Variants in PTPRU observed in about 807,000 individuals in gnomAD.
PTPRU encodes receptor-type tyrosine-protein phosphatase U.
PTPRU carries 69 observed loss-of-function variants against 166.3 expected under a neutral mutation model. The ratio of observed to expected loss-of-function variants is 0.41; its 90% CI spans 0.34 to 0.51. The LOEUF (loss-of-function observed/expected upper bound fraction) is 0.51, where lower values mean the gene tolerates loss of function less well. PTPRU is among the 20% of genes least tolerant of loss of function. The pLI is 0.09. For missense variants in PTPRU, 1,657 were observed against 2,013.7 expected (o/e 0.82, Z 3.39); for synonymous variants, 793 against 814.0 (o/e 0.97, Z 0.44).
chr1:29,275,022 C>T (rs1685729846), intron 7 of PTPRU, among the ~76,000 whole-genome samples: 1 of 149,990 alleles, frequency 6.7e-6, no homozygotes, highest in Non-Finnish European at 1.5e-5. Flanking sequence ...TGCACTCCCT[C>T]CTGGGTGACA....
rs1309967405 is a variant in PTPRU, at chr1:29,255,256, C to T, written c.74-19C>T. On this transcript the variant is annotated intron_variant, in intron 1 of 29. Transcript: ENST00000373779. ...GCAGCCCTGCCTTAGCCTGGGCTAA[C>T]CAGGCCCTGCTCTCACAGCTGGCTG... The T allele has an allele frequency of 6.2e-7, 1 of 1,611,104 alleles. No homozygotes were observed. Among genetic ancestry groups the T allele is most frequent in the Non-Finnish European group, 8.5e-7 (1 of 1,178,068 alleles).
rs912164422 is a variant in PTPRU, at chr1:29,291,399, A to C, written c.2319-470A>C. On this transcript the variant is annotated intron_variant, in intron 14 of 29. Transcript: ENST00000373779. The surrounding 1 kb of genome is among the most constrained non-coding windows in gnomAD (Gnocchi z 4.1). ...TGTAGTCCCTCCTTCCTGCAGGAGA[A>C]GGAGGAGTCTGGAGAGTGGTCCCTG... Among the ~76,000 whole-genome samples the C allele has an allele frequency of 3.3e-5, 5 of 151,402 alleles. No homozygotes were observed. The highest frequency in any genetic ancestry group is 7.4e-5 in the Non-Finnish European group (5 of 67,930).
chr1:29,278,835 T>C (rs1031805063), intron 8 of PTPRU, among the ~76,000 whole-genome samples, 177 bp from the exon 9 acceptor site: 12 of 152,256 alleles, frequency 7.9e-5, no homozygotes, highest in African/African-American at 2.9e-4. Flanking sequence ...TCACATCATT[T>C]GAGTCCTGGC....
chr1:29,284,669 C>CA (rs1686258301), intron 13 of PTPRU, 62 bp from the exon 14 acceptor site: 7 of 1,611,660 alleles, frequency 4.3e-6, no homozygotes, highest in Non-Finnish European at 5.9e-6. Context: ...CAGCCACCTA[C>CA]AGGAGGGGCT....
chr1:29,305,549 C>A, intron 18 of PTPRU, 121 bp downstream of exon 18: 1 of 1,005,558 alleles, frequency 9.9e-7, no homozygotes, highest in Non-Finnish European at 1.6e-6. Context: ...TCGGAGTGCC[C>A]CTATCTCTGC....
chr1:29,245,651 C>T (rs1200061216), intron 1 of PTPRU, among the ~76,000 whole-genome samples: 1 of 152,130 alleles, frequency 6.6e-6, no homozygotes, highest in Admixed American at 6.5e-5. Context: ...CCCATTGGAC[C>T]GTGCCTCCAT....
chr1:29,317,682 T>C lies in PTPRU; in HGVS notation c.3514-66T>C. On this transcript the variant is annotated intron_variant, in intron 24 of 29. Coordinates refer to ENST00000373779, the MANE Select transcript of PTPRU (RefSeq NM_133178.4). This position sits in a 1 kb window ranked among gnomAD's most constrained non-coding sequence, Gnocchi z 5.6. ...TAGTAACTCAGTCCAGCCTCCTTCA[T>C]GGGGATGTGAGGAGGCCCAGCAAGC... The C allele has an allele frequency of 6.8e-7, 1 of 1,471,004 alleles. No homozygotes were observed. Among genetic ancestry groups the C allele is most frequent in the Non-Finnish European group, 9.2e-7 (1 of 1,087,730 alleles). The allele number at this position is 1,471,004 out of a possible 1,614,324, so 91.1% of individuals were successfully genotyped here. A position where few individuals can be genotyped will look rare whatever the true frequency, so the allele number is the denominator to read the frequency against.
At chr1:29,297,269 G>T (rs1686932843) in intron 15 of PTPRU, among the ~76,000 whole-genome samples, 1 of 151,744 alleles carries the variant, frequency 6.6e-6, no homozygotes, top group Non-Finnish European at 1.5e-5. Context: ...TGGCCAGGCT[G>T]GTCTCGAACT....
chr1:29,246,050 G>A (rs1045291412), intron 1 of PTPRU, among the ~76,000 whole-genome samples: 2 of 152,228 alleles, frequency 1.3e-5, no homozygotes, highest in East Asian at 1.9e-4. Context: ...TTGCATGGAC[G>A]TCAGTATTGC....
rs1685941289 is a variant in PTPRU at position 29,279,055 on chromosome 1, G to A, written c.1497G>A (p.Leu499=). The change falls in exon 9 of 30, where the codon CTG becomes CTA. Residue 499 remains leucine (L), a synonymous_variant. Coordinates refer to ENST00000373779, the MANE Select transcript of PTPRU (RefSeq NM_133178.4). This position sits in a 1 kb window ranked among gnomAD's most constrained non-coding sequence, Gnocchi z 5.2. ...CCGAGTCCCTGACCTTCACTCCACT[G>A]GAGGACATGATCTTCCTCAAGTGGG... ...IAAESLTFTP[L]EDMIFLKWEE... 1 of 1,594,110 alleles carries A rather than the reference G, an allele frequency of 6.3e-7. No individual in the cohort carries two copies. The highest frequency in any genetic ancestry group is 8.5e-7 in the Non-Finnish European group (1 of 1,169,818).
In PTPRU at chr1:29,279,936, C is replaced by A; in HGVS notation, c.1766-103C>A. ...GTCAGCAGGAACAAAGAGGCTAAGG[C>A]TGAAGTAGGGGAGATCTGAGGACTG... On this transcript the variant is annotated intron_variant, in intron 10 of 29. Coordinates refer to ENST00000373779, the MANE Select transcript of PTPRU (RefSeq NM_133178.4). The surrounding 1 kb of genome is among the most constrained non-coding windows in gnomAD (Gnocchi z 5.2). The A allele has an allele frequency of 8.0e-7, 1 of 1,242,968 alleles. No homozygotes were observed. The highest frequency in any genetic ancestry group is 1.1e-6 in the Non-Finnish European group (1 of 876,956). The allele number at this position is 1,242,968 out of a possible 1,614,324, so 77.0% of individuals were successfully genotyped here.
intron 1 of PTPRU, among the ~76,000 whole-genome samples, chr1:29,241,748 C>T (rs1399882358): frequency 6.6e-6 from 1 of 151,518 alleles, no homozygotes; most frequent in Admixed American, 6.6e-5. Context: ...GCGCACGCCA[C>T]CATGCCTGGC....
At chr1:29,323,597 C>T in intron 27 of PTPRU, 34 bp from the exon 28 acceptor site, 6 of 1,613,002 alleles carry the variant, frequency 3.7e-6, no homozygotes, top group South Asian at 2.2e-5. Context: ...CCCTGGTGCT[C>T]ATGTCCTCCC....
At position 29,311,392 on chromosome 1, in the gene PTPRU, G is replaced by A. The variant is rs1687648498; in HGVS notation, c.2858-64G>A. 2.6e-6 allele frequency: 4 copies of A among 1,518,874 alleles called. No homozygotes were observed. The highest frequency in any genetic ancestry group is 1.7e-5 in the Admixed American group (1 of 59,322). The allele number at this position is 1,518,874 out of a possible 1,614,324, so 94.1% of individuals were successfully genotyped here. ...CTGGGGTGTGGTGCTGGATGGTGCTGGATGTGCTGACCTGGGGTGGAGACC... is the reference window on the plus strand; with the variant it reads ...CTGGGGTGTGGTGCTGGATGGTGCTAGATGTGCTGACCTGGGGTGGAGACC... On this transcript the variant is annotated intron_variant, in intron 19 of 29. Coordinates refer to ENST00000373779, the MANE Select transcript of PTPRU (RefSeq NM_133178.4). This position sits in a 1 kb window ranked among gnomAD's most constrained non-coding sequence, Gnocchi z 4.1.
Position 29,315,296 on chromosome 1 carries a change from C to G in PTPRU, c.3228-76C>G. On this transcript the variant is annotated intron_variant, in intron 22 of 29. Transcript: ENST00000373779. This position sits in a 1 kb window ranked among gnomAD's most constrained non-coding sequence, Gnocchi z 4.5. The stretch of plus-strand genomic sequence containing the variant: ...TGTATGGTGTAGACATGGCCAGTGC[C>G]CTCCTCTCTTCTTCTCCTTAGTCCC... The G allele has an allele frequency of 1.5e-4, 237 of 1,545,988 alleles. No homozygotes were observed. Among genetic ancestry groups the G allele is most frequent in the Non-Finnish European group, 1.9e-4 (215 of 1,124,188 alleles).
At chr1:29,259,718 C>G in intron 5 of PTPRU, 152 bp from the exon 6 acceptor site, 1 of 1,256,216 alleles carries the variant, frequency 8.0e-7, no homozygotes, top group Non-Finnish European at 1.1e-6. Flanking sequence ...TCTGCGCTTT[C>G]TTGGGTCCCC....
intron 7 of PTPRU, among the ~76,000 whole-genome samples, chr1:29,265,370 CT>C (rs36081126): frequency 4.7e-5 from 7 of 148,918 alleles, no homozygotes; most frequent in Admixed American, 1.3e-4. Context: ...TTCTTTTCCT[CT>C]TTTTTTTTTG....
Position 29,279,724 on chromosome 1 carries a change from G to A in PTPRU, c.1765+67G>A. 6.5e-7 allele frequency: 1 copy of A among 1,541,956 alleles called. No homozygotes were observed. ...CCAGAATCCCAGGGTTCCATGGGCA[G>A]AAGGGAAATGGGGGGCATCCTGGGG... On this transcript the variant is annotated intron_variant, in intron 10 of 29. Coordinates refer to ENST00000373779, the MANE Select transcript of PTPRU (RefSeq NM_133178.4). The surrounding 1 kb of genome is among the most constrained non-coding windows in gnomAD (Gnocchi z 5.2).
In PTPRU at chr1:29,284,917, A is replaced by G. The variant is rs370228315; in HGVS notation, c.2318+48A>G. On this transcript the variant is annotated intron_variant, in intron 14 of 29. Transcript: ENST00000373779. ...CCCACCAGTGGCTTCTACCCCTTAG[A>G]GGCCTGGTGGCACAGAGGAATAGTG... is the stretch of plus-strand genomic sequence containing the variant. 70 of 1,562,452 alleles carry G rather than the reference A, an allele frequency of 4.5e-5. No individual in the cohort carries two copies. In the African/African-American group the frequency reaches 8.4e-4, roughly 19 times the overall value.
Sources: allele counts gnomAD v4.1 joint callset (sites outside exome capture counted in the v4.1 genomes callset), GRCh38; gene constraint gnomAD v4.1.1; non-coding constraint Gnocchi (gnomAD v3.1); transcripts MANE v1.5; gene names NCBI Gene and HGNC (gene_info 2026-07-23, HGNC 2026-07-21).